Variants in POU2F2 observed in about 807,000 individuals in gnomAD.
POU2F2 encodes the protein POU domain, class 2, transcription factor 2.
A neutral mutation model predicts 63.5 loss-of-function variants in POU2F2; 14 were observed. The ratio of observed to expected loss-of-function variants is 0.22; its 90% CI spans 0.15 to 0.34. POU2F2 has a LOEUF of 0.34. Among genes scored for constraint, POU2F2 ranks in the 10% least tolerant of loss-of-function variants. The pLI, the probability that POU2F2 is intolerant of heterozygous loss-of-function variation, is 1.00. For synonymous variants in POU2F2, 306 were observed against 348.6 expected (o/e 0.88, Z 1.36); for missense variants, 607 against 815.2 (o/e 0.74, Z 3.11).
chr19:42,141,298 A>G (rs1309198045), intron 2 of POU2F2, among the ~76,000 whole-genome samples: 2 of 152,110 alleles, frequency 1.3e-5, no homozygotes, highest in African/African-American at 4.8e-5. Context: ...ATGGTTAACC[A>G]TCTATACAGG....
chr19:42,195,488 A>G (rs1269055260), intron 1 of POU2F2, among the ~76,000 whole-genome samples: 1 of 151,210 alleles, frequency 6.6e-6, no homozygotes, highest in Admixed American at 6.6e-5. Context: ...GCCCGCCACC[A>G]CACCAGGCTA....
intron 1 of POU2F2, among the ~76,000 whole-genome samples, chr19:42,191,320 G>C (rs1016092550): frequency 1.3e-5 from 2 of 152,158 alleles, no homozygotes; most frequent in African/African-American, 4.8e-5. Flanking sequence ...CCAGCTCTGT[G>C]TCAGCACCTT....
chr19:42,163,166 C>T (rs1375053590), intron 1 of POU2F2, among the ~76,000 whole-genome samples: 5 of 152,088 alleles, frequency 3.3e-5, no homozygotes, highest in African/African-American at 1.2e-4. Flanking sequence ...GGAGAAGGTA[C>T]AGGAACTGGG....
chr19:42,195,079 GAGGGAGGA>G (rs1173460841), intron 1 of POU2F2, among the ~76,000 whole-genome samples: 1 of 4,638 alleles, frequency 2.2e-4, no homozygotes, highest in Non-Finnish European at 4.2e-4. Flanking sequence ...GGAAGGAAGG[GAGGGAGGA>G]AGGGAGGAAG....
At chr19:42,182,496 G>A (rs2034973494) in intron 1 of POU2F2, among the ~76,000 whole-genome samples, 1 of 152,106 alleles carries the variant, frequency 6.6e-6, no homozygotes. Flanking sequence ...GAGGAGAAAG[G>A]AGATGGGAGA....
chr19:42,154,147 A>G (rs2034413236), intron 2 of POU2F2, among the ~76,000 whole-genome samples: 1 of 150,248 alleles, frequency 6.7e-6, no homozygotes, highest in African/African-American at 2.4e-5. Flanking sequence ...GACAAAAGCA[A>G]TTACTCCAGA....
In POU2F2 at chr19:42,096,023, CA is replaced by C; in HGVS notation, c.729+58del. ...CGCCCACTGGCCACGCCCCTCGCGGCATCTATCAACTGGCCACGCCCCCACG... is the reference window on the plus strand; with the variant it reads ...CGCCCACTGGCCACGCCCCTCGCGGCTCTATCAACTGGCCACGCCCCCACG... On this transcript the variant is annotated intron_variant, in intron 8 of 14. Coordinates refer to ENST00000692977, the MANE Select transcript of POU2F2 (RefSeq NM_001394376.1). This position sits in a 1 kb window ranked among gnomAD's most constrained non-coding sequence, Gnocchi z 4.1. 1 of 1,610,108 alleles carries C rather than the reference CA, an allele frequency of 6.2e-7. No individual in the cohort carries two copies. The highest frequency in any genetic ancestry group is 8.5e-7 in the Non-Finnish European group (1 of 1,178,096).
rs1401732356 is a variant in POU2F2 at position 42,088,431 on chromosome 19, G to A, written c.*2826C>T. ...CATACTGGGGTGGGGAGAGGTCCCA[G>A]GTGGTGGGACTTGATGGGGAGGAAG... On this transcript the variant is annotated 3_prime_UTR_variant, in exon 15 of 15. Coordinates refer to ENST00000692977, the MANE Select transcript of POU2F2 (RefSeq NM_001394376.1). The A allele has an allele frequency of 1.3e-5, 2 of 151,900 alleles. No individual in the cohort carries two copies. The highest frequency in any genetic ancestry group is 2.9e-5 in the Non-Finnish European group (2 of 68,052). 9.4% of individuals were successfully genotyped at this position (151,900 alleles called of 1,614,324 possible). A position where few individuals can be genotyped will look rare whatever the true frequency, so the allele number is the denominator to read the frequency against.
chr19:42,143,412 T>G (rs188311006), intron 2 of POU2F2, among the ~76,000 whole-genome samples: 3 of 152,346 alleles, frequency 2.0e-5, no homozygotes, highest in East Asian at 1.9e-4. Flanking sequence ...ACTGTGTGCT[T>G]CCTGTGGGCA....
At chr19:42,168,578 C>T (rs546889195) in intron 1 of POU2F2, among the ~76,000 whole-genome samples, 6 of 152,176 alleles carry the variant, frequency 3.9e-5, no homozygotes, top group Non-Finnish European at 8.8e-5. Flanking sequence ...CCTGGGCTCC[C>T]CACTCAGCAC....
intron 1 of POU2F2, among the ~76,000 whole-genome samples, chr19:42,188,322 T>C (rs2146823215): frequency 6.8e-6 from 1 of 147,048 alleles, no homozygotes; most frequent in Non-Finnish European, 1.5e-5. Flanking sequence ...GCTGAAACGG[T>C]GCCACTGCAC....
Position 42,095,172 on chromosome 19 carries a change from A to G in POU2F2, c.1197+114T>C. 3.8e-6 allele frequency: 5 copies of G among 1,309,188 alleles called. No individual in the cohort carries two copies. Among genetic ancestry groups the G allele is most frequent in the Non-Finnish European group, 5.1e-6 (5 of 977,332 alleles). The allele number at this position is 1,309,188 out of a possible 1,614,324, so 81.1% of individuals were successfully genotyped here. A position where few individuals can be genotyped will look rare whatever the true frequency, so the allele number is the denominator to read the frequency against. ...ATCTACGTGATGGCCTGTCTCCAAG[A>G]GTGACTCTTCTTGTCTCTGTTCTAG... is the stretch of plus-strand genomic sequence containing the variant. On this transcript the variant is annotated intron_variant, in intron 11 of 14. Transcript: ENST00000692977. The surrounding 1 kb of genome is among the most constrained non-coding windows in gnomAD (Gnocchi z 7.1).
At chr19:42,130,000 T>C (rs915983052) in intron 1 of POU2F2, among the ~76,000 whole-genome samples, 3 of 152,140 alleles carry the variant, frequency 2.0e-5, no homozygotes, top group Admixed American at 1.3e-4. Flanking sequence ...ATACGACACA[T>C]GCCCAGACAT....
At chr19:42,112,294 C>T (rs945877483) in intron 5 of POU2F2, among the ~76,000 whole-genome samples, 1 of 152,186 alleles carries the variant, frequency 6.6e-6, no homozygotes, top group East Asian at 1.9e-4. Flanking sequence ...CCTCAAGTCA[C>T]GAGGTCCAGG....
chr19:42,106,109 T>G (rs1403138915), intron 5 of POU2F2, among the ~76,000 whole-genome samples: 3 of 151,652 alleles, frequency 2.0e-5, no homozygotes, highest in African/African-American at 4.9e-5. Flanking sequence ...TCTTTCTTTC[T>G]TTTTTGAGAT....
At position 42,121,401 on chromosome 19, in the gene POU2F2, T is replaced by C. The variant is rs115051406; in HGVS notation, c.186+725A>G. On this transcript the variant is annotated intron_variant, in intron 4 of 14. Transcript: ENST00000692977. ...CTGCCCCCTCCCCCCTGACCAATGA[T>C]ACTGAAGAGGAAACTGAGAGGCCCA... is the stretch of plus-strand genomic sequence containing the variant. Among the ~76,000 whole-genome samples, 534 of 151,990 alleles carry C rather than the reference T, an allele frequency of 3.5e-3. 7 individuals carry two copies. The highest frequency in any genetic ancestry group is 0.017 in the Middle Eastern group (5 of 294).
chr19:42,192,632 T>C (rs1483481450), intron 1 of POU2F2, among the ~76,000 whole-genome samples: 2 of 152,196 alleles, frequency 1.3e-5, no homozygotes, highest in African/African-American at 4.8e-5. Flanking sequence ...AAATATTTCC[T>C]GAGACCTTCA....
In POU2F2 at chr19:42,152,768, G is replaced by A. The variant is rs533681098; in HGVS notation, c.-9+7564C>T. ...GGGGGCCATAGTTTCAGGTAAGGGG[G>A]CTGGGAGAAATTGAGGGACAATTTC... On this transcript the variant is annotated intron_variant, in intron 2 of 6. Coordinates refer to the POU2F2 transcript ENST00000524801. This position sits in a 1 kb window ranked among gnomAD's most constrained non-coding sequence, Gnocchi z 4.1. 6.6e-6 allele frequency: 1 copy of A among 152,444 alleles called. No individual in the cohort carries two copies. Among genetic ancestry groups the A allele is most frequent in the African/African-American group, 2.4e-5 (1 of 41,562 alleles). The allele number at this position is 152,444 out of a possible 1,614,324, so 9.4% of individuals were successfully genotyped here. A position where few individuals can be genotyped will look rare whatever the true frequency, so the allele number is the denominator to read the frequency against.
intron 1 of POU2F2, among the ~76,000 whole-genome samples, chr19:42,129,540 A>T (rs555285495): frequency 4.6e-5 from 7 of 152,304 alleles, no homozygotes; most frequent in African/African-American, 1.7e-4. Flanking sequence ...CACTTACCGA[A>T]AACGGGGCTA....
Sources: gnomAD v4.1 joint callset for allele counts (sites outside exome capture counted in the v4.1 genomes callset) on GRCh38, gnomAD v4.1.1 for gene constraint, Gnocchi (gnomAD v3.1) non-coding constraint, MANE v1.5 for transcripts, NCBI Gene and HGNC (gene_info 2026-07-23, HGNC 2026-07-21) for gene names.